The following TMEM232 variants were observed in gnomAD, a reference collection of about 807,000 sequenced individuals.
TMEM232 encodes transmembrane protein 232.
Under a neutral mutation model 78.8 loss-of-function variants are expected in TMEM232, and 80 were observed. The ratio of observed to expected loss-of-function variants is 1.01; its 90% CI spans 0.85 to 1.22. The LOEUF (loss-of-function observed/expected upper bound fraction) is 1.22, where lower values mean the gene tolerates loss of function less well. Ranked by LOEUF, TMEM232 falls within the 50% of genes most tolerant of loss-of-function variation. The pLI is 0.00. For synonymous variants in TMEM232, 297 were observed against 254.3 expected, an observed-to-expected ratio of 1.17 and a Z score of -1.60; for missense variants, 881 against 742.2, an observed-to-expected ratio of 1.19 and a Z score of -2.17.
chr5:110,606,892 T>C (rs925242439), intron 8 of TMEM232, among the ~76,000 whole-genome samples: 1 of 152,034 alleles, frequency 6.6e-6, no homozygotes, highest in Non-Finnish European at 1.5e-5. Context: ...GAAAATTACA[T>C]ATTTGTGATA....
intron 12 of TMEM232, among the ~76,000 whole-genome samples, chr5:110,426,344 C>G (rs902035691): frequency 6.6e-6 from 1 of 151,976 alleles, no homozygotes; most frequent in African/African-American, 2.4e-5. Flanking sequence ...TGCCTGTTTG[C>G]TTACCATTGT....
intron 1 of TMEM232, among the ~76,000 whole-genome samples, chr5:110,700,262 AT>A (rs1795279720): frequency 6.6e-6 from 1 of 152,080 alleles, no homozygotes; most frequent in Non-Finnish European, 1.5e-5. Context: ...TTCAAACAAT[AT>A]TTGGGAATGA....
upstream of TMEM232, among the ~76,000 whole-genome samples, chr5:110,729,642 C>T (rs934135895): frequency 6.6e-6 from 1 of 152,196 alleles, no homozygotes; most frequent in Non-Finnish European, 1.5e-5. Flanking sequence ...GAATTTTTAG[C>T]AGATAATATC....
At chr5:110,525,495 G>T (rs868258391) in intron 12 of TMEM232, among the ~76,000 whole-genome samples, 15 of 151,832 alleles carry the variant, frequency 9.9e-5, no homozygotes, top group African/African-American at 3.1e-4. Context: ...TAAGAAAAAT[G>T]CAAGGCATAT....
intron 11 of TMEM232, among the ~76,000 whole-genome samples, chr5:110,567,069 T>C (rs1776427121): frequency 2.0e-5 from 3 of 151,686 alleles, no homozygotes; most frequent in African/African-American, 7.3e-5. Context: ...TTTACTATTA[T>C]GAGAACAACA....
chr5:110,626,066 C>T (rs115703011), intron 6 of TMEM232, among the ~76,000 whole-genome samples: 293 of 151,992 alleles, frequency 1.9e-3, no homozygotes, highest in African/African-American at 6.8e-3. Flanking sequence ...GAGGTAGCAG[C>T]CGCTGATAGC....
At chr5:110,689,968 C>T (rs1793910253) in intron 1 of TMEM232, among the ~76,000 whole-genome samples, 1 of 152,126 alleles carries the variant, frequency 6.6e-6, no homozygotes, top group African/African-American at 2.4e-5. Context: ...TTCCTTACAC[C>T]TTATACAAAA....
intron 1 of TMEM232, among the ~76,000 whole-genome samples, chr5:110,688,058 T>G (rs1443593234): frequency 6.6e-6 from 1 of 151,604 alleles, no homozygotes; most frequent in Non-Finnish European, 1.5e-5. Context: ...GTAACTCCTC[T>G]CTCTTCATGG....
Position 110,710,550 on chromosome 5 carries a change from C to T in TMEM232, c.-13+16077G>A, listed in dbSNP as rs145822583. Among the ~76,000 whole-genome samples the T allele has an allele frequency of 8.3e-4, 126 of 152,052 alleles. 1 individual carries two copies. The highest frequency in any genetic ancestry group is 3.4e-3 in the Middle Eastern group (1 of 294). On this transcript the variant is annotated intron_variant, in intron 1 of 13. Coordinates refer to ENST00000455884, the MANE Select transcript of TMEM232 (RefSeq NM_001039763.4). ...ACATTAGAAAGATTATTCATCATGA[C>T]GAAGAGAAATTTATCCCAGGGATGC...
chr5:110,635,571 G>A (rs933408948), intron 5 of TMEM232, among the ~76,000 whole-genome samples: 1 of 151,700 alleles, frequency 6.6e-6, no homozygotes, highest in Non-Finnish European at 1.5e-5. Flanking sequence ...ACAGAATGAA[G>A]AACAAAAACC....
intron 12 of TMEM232, among the ~76,000 whole-genome samples, chr5:110,467,478 C>T (rs1303854825): frequency 6.6e-6 from 1 of 152,156 alleles, no homozygotes; most frequent in Non-Finnish European, 1.5e-5. Flanking sequence ...TGCAGTTGGG[C>T]AGCTAATACA....
intron 4 of TMEM232, chr5:110,388,171 C>G (rs930472289): frequency 7.2e-5 from 11 of 152,204 alleles, no homozygotes; most frequent in African/African-American, 2.6e-4. Flanking sequence ...GAGGCTGTGT[C>G]TGATTTACAT....
chr5:110,561,310 T>C (rs60650890), intron 11 of TMEM232, among the ~76,000 whole-genome samples: 4 of 151,640 alleles, frequency 2.6e-5, no homozygotes, highest in African/African-American at 9.7e-5. Flanking sequence ...CACCTTGCAA[T>C]AAAAAAACAA....
chr5:110,462,785 T>TGG (rs1761675934), intron 12 of TMEM232, among the ~76,000 whole-genome samples: 1 of 152,160 alleles, frequency 6.6e-6, no homozygotes, highest in Non-Finnish European at 1.5e-5. Context: ...GGTACCCTAA[T>TGG]ACAATTACAG....
downstream of TMEM232, chr5:110,417,773 C>T (rs1413841042): frequency 1.3e-5 from 2 of 152,002 alleles, no homozygotes; most frequent in Non-Finnish European, 2.9e-5. Context: ...TGTCTTTCAT[C>T]TCCAAGTCCA....
chr5:110,602,016 G>A (rs1443558827), intron 10 of TMEM232, among the ~76,000 whole-genome samples: 2 of 152,012 alleles, frequency 1.3e-5, no homozygotes, highest in East Asian at 3.9e-4. Context: ...TCTGATCTTC[G>A]ACAAACCTGA....
intron 10 of TMEM232, among the ~76,000 whole-genome samples, chr5:110,587,407 G>A (rs1778942310): frequency 6.6e-6 from 1 of 151,908 alleles, no homozygotes; most frequent in Non-Finnish European, 1.5e-5. Context: ...TAAATACTGT[G>A]GCTGTTCAAA....
chr5:110,479,477 T>C (rs1035440039), intron 12 of TMEM232, among the ~76,000 whole-genome samples: 5 of 151,890 alleles, frequency 3.3e-5, no homozygotes, highest in Admixed American at 3.3e-4. Flanking sequence ...AAATACAACC[T>C]CTATGCTGCC....
At chr5:110,683,994 T>C (rs1052224326) in intron 1 of TMEM232, among the ~76,000 whole-genome samples, 2 of 151,980 alleles carry the variant, frequency 1.3e-5, no homozygotes, top group Non-Finnish European at 2.9e-5. Flanking sequence ...AATAATTCCA[T>C]TAAATTCAGT....
Sources: gnomAD v4.1 joint callset for allele counts (sites outside exome capture counted in the v4.1 genomes callset) on GRCh38, gnomAD v4.1.1 for gene constraint, MANE v1.5 for transcripts, NCBI Gene and HGNC (gene_info 2026-07-23, HGNC 2026-07-21) for gene names.